CCDC102B: variants seen among roughly 807,000 people sequenced by gnomAD.
The protein encoded by CCDC102B is coiled-coil domain containing 102B, also known as coiled-coil domain-containing protein 102B.
In CCDC102B, 75 loss-of-function variants were observed where a neutral mutation model predicts 57.4. That is an observed-to-expected ratio of 1.31 (90% confidence interval 1.08 to 1.58). The LOEUF (loss-of-function observed/expected upper bound fraction) is 1.58. Among genes scored for constraint, CCDC102B ranks in the 40% most tolerant of loss-of-function variants. CCDC102B has a pLI of 0.00. For missense variants in CCDC102B, 636 were observed against 582.6 expected (o/e 1.09, Z -0.94); for synonymous variants, 206 against 201.9 (o/e 1.02, Z -0.17).
intron 4 of CCDC102B, among the ~76,000 whole-genome samples, chr18:68,871,569 T>G (rs899465857): frequency 1.3e-5 from 2 of 152,272 alleles, no homozygotes; most frequent in Non-Finnish European, 2.9e-5. Context: ...AATCTGTTCA[T>G]CAGTTTTCCC....
At chr18:68,974,316 T>C (rs80316639) in intron 6 of CCDC102B, among the ~76,000 whole-genome samples, 3,729 of 152,168 alleles carry the variant, frequency 0.025, 120 homozygotes, top group East Asian at 0.15. Flanking sequence ...CAAGGGACCA[T>C]GTTAGAAACA....
intron 2 of CCDC102B, among the ~76,000 whole-genome samples, chr18:68,779,936 ACAAT>A (rs892608587): frequency 1.3e-5 from 2 of 152,118 alleles, no homozygotes; most frequent in African/African-American, 4.8e-5. Context: ...CACCATCATC[ACAAT>A]CAGTTTTAGA....
At chr18:69,021,861 T>C (rs1199620009) in intron 7 of CCDC102B, among the ~76,000 whole-genome samples, 4 of 152,172 alleles carry the variant, frequency 2.6e-5, no homozygotes, top group Middle Eastern at 3.2e-3. Flanking sequence ...ATTTTTAATC[T>C]AACAATTCCA....
chr18:68,716,844 C>A (rs554400143), intron 2 of CCDC102B, among the ~76,000 whole-genome samples: 1 of 151,834 alleles, frequency 6.6e-6, no homozygotes, highest in East Asian at 1.9e-4. Flanking sequence ...TTTGGGAGGC[C>A]GAGGCAGGTG....
At chr18:68,759,960 C>T (rs2034200261) in intron 2 of CCDC102B, among the ~76,000 whole-genome samples, 1 of 152,042 alleles carries the variant, frequency 6.6e-6, no homozygotes, top group Non-Finnish European at 1.5e-5. Flanking sequence ...AAAGACTGAT[C>T]ACTGCAGGGG....
chr18:68,869,238 A>C (rs2039134385), intron 4 of CCDC102B, among the ~76,000 whole-genome samples: 1 of 152,218 alleles, frequency 6.6e-6, no homozygotes, highest in African/African-American at 2.4e-5. Context: ...CCATGACAGT[A>C]GATGGGATGA....
intron 6 of CCDC102B, among the ~76,000 whole-genome samples, chr18:68,952,161 T>C (rs1009905622): frequency 6.6e-6 from 1 of 152,158 alleles, no homozygotes; most frequent in African/African-American, 2.4e-5. Flanking sequence ...TAATCAATTA[T>C]GTTGGGAAGC....
chr18:68,834,291 T>C (rs527555416), intron 1 of CCDC102B, among the ~76,000 whole-genome samples: 13 of 152,114 alleles, frequency 8.5e-5, no homozygotes, highest in African/African-American at 2.6e-4. Context: ...ATGATACTGA[T>C]TTATTTTGAA....
At chr18:68,847,233 A>G (rs1341878962) in intron 4 of CCDC102B, among the ~76,000 whole-genome samples, 1 of 151,794 alleles carries the variant, frequency 6.6e-6, no homozygotes, top group Non-Finnish European at 1.5e-5. Flanking sequence ...ACGGATCCAT[A>G]GTATTTCTAT....
intron 1 of CCDC102B, among the ~76,000 whole-genome samples, chr18:68,829,422 G>C (rs2037053185): frequency 6.6e-6 from 1 of 151,910 alleles, no homozygotes; most frequent in Non-Finnish European, 1.5e-5. Context: ...AGCCAAATTA[G>C]ATTATTAATG....
chr18:68,722,487 G>T (rs1282222536), intron 2 of CCDC102B, among the ~76,000 whole-genome samples: 1 of 152,100 alleles, frequency 6.6e-6, no homozygotes, highest in Non-Finnish European at 1.5e-5. Context: ...GACCTAAAAA[G>T]GATGTGAAAG....
chr18:68,840,539 G>A (rs1211202155), intron 3 of CCDC102B, among the ~76,000 whole-genome samples: 2 of 152,072 alleles, frequency 1.3e-5, no homozygotes, highest in Admixed American at 6.6e-5. Context: ...CCTAATAGAG[G>A]CAACCAACAT....
At position 68,837,261 on chromosome 18, in the gene CCDC102B, A is replaced by G; in HGVS notation, c.498A>G (p.Glu166=). The part of the protein sequence containing the change: ...QDLKLPGFVE[E]SCEHTDQFQL... ...TGAAGCTTCCTGGCTTCGTAGAAGA[A>G]TCCTGTGAACATACAGACCAATTTC... The change falls in exon 2 of 8, where the codon GAA becomes GAG. Residue 166 remains glutamate (E), a synonymous_variant. Transcript: ENST00000360242. 1.2e-6 allele frequency: 2 copies of G among 1,614,180 alleles called. No homozygotes were observed. The highest frequency in any genetic ancestry group is 1.7e-6 in the Non-Finnish European group (2 of 1,180,030).
At position 68,874,701 on chromosome 18, in the gene CCDC102B, A is replaced by T; in HGVS notation, c.969A>T (p.Glu323Asp). 1 of 1,611,568 alleles carries T rather than the reference A, an allele frequency of 6.2e-7. No individual in the cohort carries two copies. The highest frequency in any genetic ancestry group is 1.1e-5 in the South Asian group (1 of 90,992). Residue 323 changes from glutamate (E) to aspartate (D), a missense_variant, in exon 5 of 8, where the codon GAA (glutamate) becomes GAT (aspartate). Physicochemically the swap from Glu to Asp is conservative, Grantham distance 45. Coordinates refer to ENST00000360242, the MANE Select transcript of CCDC102B (RefSeq NM_024781.3). ...FDILLGQHND[E>D]MQELSGNIKE... ...TTCTTCTTGGTCAACATAATGATGA[A>T]ATGCAAGAACTGTCAGGCAATATAA...
chr18:68,828,205 C>T (rs1251227110), intron 1 of CCDC102B, among the ~76,000 whole-genome samples: 1 of 148,564 alleles, frequency 6.7e-6, no homozygotes, highest in Non-Finnish European at 1.5e-5. Flanking sequence ...AGAATCTGAA[C>T]AATACAATCA....
intron 1 of CCDC102B, among the ~76,000 whole-genome samples, chr18:68,833,879 C>T (rs992163913): frequency 1.3e-5 from 2 of 152,094 alleles, no homozygotes; most frequent in Non-Finnish European, 2.9e-5. Context: ...ATGCAAAAAT[C>T]GGTACAAGAA....
chr18:68,752,227 T>C (rs1251401454), intron 2 of CCDC102B, among the ~76,000 whole-genome samples: 1 of 151,906 alleles, frequency 6.6e-6, no homozygotes, highest in East Asian at 1.9e-4. Flanking sequence ...GCCACTGCAC[T>C]CCAGCCTGGG....
intron 2 of CCDC102B, among the ~76,000 whole-genome samples, chr18:68,787,106 T>C (rs1394137118): frequency 2.5e-4 from 38 of 150,918 alleles, no homozygotes; most frequent in African/African-American, 9.3e-4. Context: ...TTGTCTTTGG[T>C]TCTGTTTATA....
At chr18:68,752,461 A>G (rs2033892043) in intron 2 of CCDC102B, among the ~76,000 whole-genome samples, 1 of 141,848 alleles carries the variant, frequency 7.0e-6, no homozygotes, top group Non-Finnish European at 1.6e-5. Flanking sequence ...AAGAAAAAAG[A>G]AAACAGTGAA....
Sources: allele counts gnomAD v4.1 joint callset (sites outside exome capture counted in the v4.1 genomes callset), GRCh38; gene constraint gnomAD v4.1.1; transcripts MANE v1.5; gene names NCBI Gene and HGNC (gene_info 2026-07-23, HGNC 2026-07-21).